Variants in PCDH19 observed in about 807,000 individuals in gnomAD.
The protein encoded by PCDH19 is protocadherin 19.
In PCDH19, 6 loss-of-function variants were observed where a neutral mutation model predicts 46.2. That is an observed-to-expected ratio of 0.13 (90% confidence interval 0.07 to 0.26). PCDH19 has a LOEUF of 0.26. PCDH19 is among the 10% of genes least tolerant of loss of function. The pLI, the probability that PCDH19 is intolerant of heterozygous loss-of-function variation, is 1.00. For missense variants in PCDH19, 740 were observed against 972.3 expected (o/e 0.76, Z 3.18); for synonymous variants, 481 against 415.7 (o/e 1.16, Z -1.91).
At chrX:100,342,865 A>T (rs1173630617) in intron 4 of PCDH19, among the ~76,000 whole-genome samples, 2 of 112,196 alleles carry the variant, frequency 1.8e-5, no homozygotes, top group Non-Finnish European at 3.8e-5. Flanking sequence ...GGAAGGTGTG[A>T]TGTTTAATTT....
At chrX:100,401,754 T>A (rs1466095401) in intron 3 of PCDH19, among the ~76,000 whole-genome samples, 7 of 106,201 alleles carry the variant, frequency 6.6e-5, no homozygotes, top group Admixed American at 6.1e-4. Flanking sequence ...ATTCTTACTC[T>A]TTTTTTTTTT....
At chrX:100,350,322 T>C (rs1405090206) in intron 4 of PCDH19, among the ~76,000 whole-genome samples, 3 of 111,792 alleles carry the variant, frequency 2.7e-5, no homozygotes, top group African/African-American at 9.7e-5. Flanking sequence ...TTAGAAATAG[T>C]GAATATTTGT....
At chrX:100,346,592 T>C (rs1400891441) in intron 4 of PCDH19, among the ~76,000 whole-genome samples, 1 of 112,021 alleles carries the variant, frequency 8.9e-6, no homozygotes, top group Non-Finnish European at 1.9e-5. Context: ...AGAAAAATGC[T>C]AAGATTTTCT....
intron 3 of PCDH19, among the ~76,000 whole-genome samples, chrX:100,394,586 G>C (rs1213848391): frequency 2.7e-5 from 3 of 111,607 alleles, no homozygotes; most frequent in African/African-American, 9.8e-5. Context: ...TTGAGCCAAG[G>C]GTTTATTTAC....
chrX:100,359,469 C>T (rs1311919383), intron 3 of PCDH19, among the ~76,000 whole-genome samples: 2 of 112,026 alleles, frequency 1.8e-5, no homozygotes, highest in Non-Finnish European at 3.8e-5. Context: ...CCTTTAGAGG[C>T]AATGGCAACC....
At chrX:100,297,061 C>T (rs1924639425) in intron 5 of PCDH19, among the ~76,000 whole-genome samples, 186 bp from the exon 6 acceptor site, 1 of 110,975 alleles carries the variant, frequency 9.0e-6, no homozygotes, top group Non-Finnish European at 1.9e-5. Flanking sequence ...AGATCTCCCT[C>T]TATGTATATC....
In PCDH19 at chrX:100,342,018, C is replaced by T. The variant is rs1046201431; in HGVS notation, c.2733G>A (p.Glu911=). 8.3e-7 allele frequency: 1 copy of T among 1,209,809 alleles called. No homozygotes were observed. The highest frequency in any genetic ancestry group is 1.8e-5 in the South Asian group (1 of 56,952). ...GNSLKDSGHE[E]SDQTDSEHDV... is the part of the protein sequence containing the mutation. ...CATGCTCACTGTCAGTTTGGTCACT[C>T]TCCTCATGTCCACTATCCTTCAGGC... Residue 911 remains glutamate (E), a synonymous_variant, in exon 5 of 6, where the codon GAG becomes GAA. Coordinates refer to ENST00000373034, the MANE Select transcript of PCDH19 (RefSeq NM_001184880.2).
At position 100,294,365 on chromosome X, in the gene PCDH19, T is replaced by C. The variant is rs1177377069; in HGVS notation, c.*1912A>G. ...TTCAGCACTGAATAAGAAATAAGGA[T>C]GGATTTGTAGCTTCATTATAAGTTC... On this transcript the variant is annotated 3_prime_UTR_variant, in exon 6 of 6. Coordinates refer to ENST00000373034, the MANE Select transcript of PCDH19 (RefSeq NM_001184880.2). 2 of 111,488 alleles carry C rather than the reference T, an allele frequency of 1.8e-5. No homozygotes were observed. The highest frequency in any genetic ancestry group is 2.8e-4 in the East Asian group (1 of 3,519). 9.2% of individuals were successfully genotyped at this position (111,488 alleles called of 1,213,427 possible).
chrX:100,369,231 C>T (rs919319743), intron 3 of PCDH19, among the ~76,000 whole-genome samples: 1 of 111,481 alleles, frequency 9.0e-6, no homozygotes, highest in Non-Finnish European at 1.9e-5. Flanking sequence ...AAGATATTAA[C>T]TCCTTCCTAA....
chrX:100,312,393 G>A (rs748086260), intron 5 of PCDH19, among the ~76,000 whole-genome samples: 57 of 111,694 alleles, frequency 5.1e-4, no homozygotes, highest in African/African-American at 1.6e-3. Context: ...TACCAAAATC[G>A]AAGGGATCAA....
intron 3 of PCDH19, among the ~76,000 whole-genome samples, chrX:100,371,982 A>G (rs904617634): frequency 1.8e-5 from 2 of 111,984 alleles, no homozygotes; most frequent in South Asian, 7.5e-4. Flanking sequence ...CACACCTGTA[A>G]TCCCAGCACA....
At chrX:100,337,716 C>T (rs1054002763) in intron 5 of PCDH19, among the ~76,000 whole-genome samples, 1 of 111,666 alleles carries the variant, frequency 9.0e-6, no homozygotes, top group Non-Finnish European at 1.9e-5. Flanking sequence ...AAACACAATC[C>T]TTCTGGTGTC....
rs1229155994 is a variant in PCDH19 at position 100,408,715 on chromosome X, G to T, written c.-118C>A. 1.6e-6 allele frequency: 1 copy of T among 610,684 alleles called. No homozygotes were observed. Among genetic ancestry groups the T allele is most frequent in the Non-Finnish European group, 2.4e-6 (1 of 411,223 alleles). The allele number at this position is 610,684 out of a possible 1,213,427, so 50.3% of individuals were successfully genotyped here. A position where few individuals can be genotyped will look rare whatever the true frequency, so the allele number is the denominator to read the frequency against. On this transcript the variant is annotated 5_prime_UTR_variant, in exon 1 of 6. Transcript: ENST00000373034. ...GTTGCGCGCGCCCCGTGGCCCCGGA[G>T]GCCGCGGGAGAAGTCCCGCCCAGGG...
chrX:100,382,870 AG>A (rs773050843), intron 3 of PCDH19, among the ~76,000 whole-genome samples: 1 of 112,347 alleles, frequency 8.9e-6, no homozygotes, highest in African/African-American at 3.2e-5. Context: ...TGGGTGTCAC[AG>A]TAAGGAACAA....
rs371149677 is a variant in PCDH19 at position 100,405,865 on chromosome X, A to G, written c.2147+586T>C. Among the ~76,000 whole-genome samples the G allele has an allele frequency of 5.4e-5, 6 of 111,816 alleles. No individual in the cohort carries two copies. The East Asian group carries it at 1.7e-3, about 32-fold the overall frequency. The stretch of plus-strand genomic sequence containing the variant: ...ATATAGCCAGATGTTTGGGGACTAG[A>G]TAAAAAACAAGCCAAGAATAAACTA... On this transcript the variant is annotated intron_variant, in intron 1 of 5. Coordinates refer to ENST00000373034, the MANE Select transcript of PCDH19 (RefSeq NM_001184880.2).
intron 5 of PCDH19, among the ~76,000 whole-genome samples, chrX:100,300,913 C>CAAAAA (rs373692507): frequency 1.2e-5 from 1 of 83,324 alleles, no homozygotes; most frequent in Non-Finnish European, 2.3e-5. Flanking sequence ...AACCCCTGGC[C>CAAAAA]AAAAAAAAAA....
chrX:100,333,094 G>T (rs1925929068), intron 5 of PCDH19, among the ~76,000 whole-genome samples: 1 of 87,676 alleles, frequency 1.1e-5, no homozygotes, highest in Non-Finnish European at 2.2e-5. Flanking sequence ...AAAAAGGAAA[G>T]AAGGAAGGAA....
In PCDH19 at chrX:100,293,850, C is replaced by T. The variant is rs1319335392; in HGVS notation, c.*2427G>A. The T allele has an allele frequency of 8.9e-6, 1 of 111,744 alleles. No individual in the cohort carries two copies. Among genetic ancestry groups the T allele is most frequent in the Admixed American group, 9.5e-5 (1 of 10,559 alleles). 9.2% of individuals were successfully genotyped at this position (111,744 alleles called of 1,213,427 possible). A position where few individuals can be genotyped will look rare whatever the true frequency, so the allele number is the denominator to read the frequency against. On this transcript the variant is annotated 3_prime_UTR_variant, in exon 6 of 6. Transcript: ENST00000373034. ...AAAAGCAAAATCAATGCCAATGCCACTCTAACCATTTAAAACTTGGCTGGT... is the reference window on the plus strand; with the variant it reads ...AAAAGCAAAATCAATGCCAATGCCATTCTAACCATTTAAAACTTGGCTGGT...
In PCDH19 at chrX:100,296,764, ACAT is replaced by A. The variant is rs1924628086; in HGVS notation, c.2957_2959del (p.His986_Val987delinsLeu). The A allele has an allele frequency of 8.3e-7, 1 of 1,209,276 alleles. No homozygotes were observed. ...AATAGACAGCGCGATGATGTTCCTC[ACAT>A]GCTCAGGGGACTTGGAACGGATGGG... On this transcript the variant is annotated inframe_deletion, in exon 6 of 6. Transcript: ENST00000373034.
Sources: allele counts gnomAD v4.1 joint callset (sites outside exome capture counted in the v4.1 genomes callset), GRCh38; gene constraint gnomAD v4.1.1; transcripts MANE v1.5; gene names NCBI Gene and HGNC (gene_info 2026-07-23, HGNC 2026-07-21).